The following BANK1 variants were observed in gnomAD, a reference collection of about 807,000 sequenced individuals.
BANK1 encodes B cell scaffold protein with ankyrin repeats 1.
A neutral mutation model predicts 94.5 loss-of-function variants in BANK1; 95 were observed. That is an observed-to-expected ratio of 1.00 (90% CI 0.85 to 1.19). The LOEUF (loss-of-function observed/expected upper bound fraction) is 1.19. BANK1 is among the 50% of genes most tolerant of loss of function. The probability of loss-of-function intolerance (pLI) is 0.00; values close to 1 mark genes in which losing one functional copy is unlikely to be tolerated. For missense variants in BANK1, 987 were observed against 932.2 expected, an observed-to-expected ratio of 1.06 and a Z score of -0.77; for synonymous variants, 334 against 308.4, an observed-to-expected ratio of 1.08 and a Z score of -0.87.
intron 7 of BANK1, among the ~76,000 whole-genome samples, chr4:101,941,443 T>A (rs1723738621): frequency 6.6e-6 from 1 of 151,766 alleles, no homozygotes; most frequent in East Asian, 1.9e-4. Context: ...GTGTTTTTCA[T>A]TCAGTTTTGA....
At chr4:101,965,619 C>A (rs1231343538) in intron 7 of BANK1, among the ~76,000 whole-genome samples, 3 of 152,048 alleles carry the variant, frequency 2.0e-5, no homozygotes, top group South Asian at 4.1e-4. Context: ...GCCTATAAAG[C>A]CACAGTCTTT....
intron 15 of BANK1, 151 bp from the exon 16 acceptor site, chr4:102,073,533 T>C (rs1578494715): frequency 1.6e-6 from 1 of 641,234 alleles, no homozygotes; most frequent in South Asian, 2.0e-5. Flanking sequence ...CTGTTTCCTT[T>C]TAAAATGGAA....
chr4:101,863,026 C>T (rs1249678698), intron 4 of BANK1, among the ~76,000 whole-genome samples: 2 of 151,876 alleles, frequency 1.3e-5, no homozygotes, highest in African/African-American at 2.4e-5. Flanking sequence ...TATTAATAAA[C>T]TCTATTTTTT....
At chr4:101,799,576 G>T (rs1578323566) in intron 1 of BANK1, among the ~76,000 whole-genome samples, 1 of 152,176 alleles carries the variant, frequency 6.6e-6, no homozygotes, top group African/African-American at 2.4e-5. Flanking sequence ...TGACAGACCG[G>T]ATTAAGAAAA....
chr4:101,934,058 G>A (rs1285960697), intron 7 of BANK1, among the ~76,000 whole-genome samples: 1 of 151,380 alleles, frequency 6.6e-6, no homozygotes, highest in Non-Finnish European at 1.5e-5. Context: ...GGTGCCACTA[G>A]CAAGCTTCAC....
rs192785385 is a variant in BANK1, at chr4:101,996,546, C to T, written c.1207-24968C>T. Among the ~76,000 whole-genome samples, 468 of 152,208 alleles carry T rather than the reference C, an allele frequency of 3.1e-3. 12 individuals are homozygous for T. The highest frequency in any genetic ancestry group is 0.027 in the Admixed American group (415 of 15,300). On this transcript the variant is annotated intron_variant, in intron 7 of 16. Transcript: ENST00000322953. ...TATGACCATTTTCATTATATTGATT[C>T]TTCCTTTCTATGAGCATGGAATGTT...
At chr4:101,967,973 C>A (rs928490303) in intron 7 of BANK1, among the ~76,000 whole-genome samples, 2 of 151,944 alleles carry the variant, frequency 1.3e-5, no homozygotes, top group Non-Finnish European at 2.9e-5. Flanking sequence ...AAAACTCTGA[C>A]CAAGTCTTGG....
At chr4:102,000,043 G>C (rs1726008213) in intron 7 of BANK1, among the ~76,000 whole-genome samples, 1 of 152,050 alleles carries the variant, frequency 6.6e-6, no homozygotes, top group South Asian at 2.1e-4. Flanking sequence ...GAGATACCCG[G>C]GTGCAGTGGC....
Position 102,060,507 on chromosome 4 carries a change from A to G in BANK1, c.2148+118A>G. ...GTTCTTTCATTTTTAACTAGCCACTAAGGAAGATACTTCAAGAAATCAAAT... is the reference window on the plus strand; with the variant it reads ...GTTCTTTCATTTTTAACTAGCCACTGAGGAAGATACTTCAAGAAATCAAAT... On this transcript the variant is annotated intron_variant, in intron 12 of 16. Coordinates refer to ENST00000322953, the MANE Select transcript of BANK1 (RefSeq NM_017935.5). The G allele has an allele frequency of 3.7e-6, 4 of 1,075,900 alleles. No homozygotes were observed. In the Admixed American group the frequency reaches 1.1e-4, roughly 31 times the overall value. The allele number at this position is 1,075,900 out of a possible 1,614,324, so 66.6% of individuals were successfully genotyped here.
At chr4:101,901,120 T>C (rs2148893262) in intron 6 of BANK1, among the ~76,000 whole-genome samples, 1 of 152,354 alleles carries the variant, frequency 6.6e-6, no homozygotes, top group African/African-American at 2.4e-5. Context: ...GCTAGAAATG[T>C]ACCCCCATGG....
intron 7 of BANK1, among the ~76,000 whole-genome samples, chr4:101,954,285 C>G (rs1724266257): frequency 6.6e-6 from 1 of 152,044 alleles, no homozygotes; most frequent in African/African-American, 2.4e-5. Context: ...TCAGAGGTAC[C>G]AGGAATTAGG....
At chr4:101,947,458 A>G (rs1723975001) in intron 7 of BANK1, among the ~76,000 whole-genome samples, 1 of 151,212 alleles carries the variant, frequency 6.6e-6, no homozygotes, top group Admixed American at 6.6e-5. Flanking sequence ...TTAACTGAAG[A>G]ATACATCATT....
chr4:102,063,239 A>G (rs1327206860), intron 13 of BANK1, 101 bp downstream of exon 13: 2 of 1,048,460 alleles, frequency 1.9e-6, no homozygotes, highest in Middle Eastern at 2.1e-4. Flanking sequence ...CTAAACCTCA[A>G]CAATTCCCAG....
In BANK1 at chr4:102,060,202, G is replaced by A; in HGVS notation, c.1970-9G>A. ...CTTTCTGTTAATGCACCCTCCCCTT[G>A]TATTTTAGACAGAGCTCGGATAGAG... On this transcript the variant is annotated splice_polypyrimidine_tract_variant and intron_variant, in intron 11 of 16. Transcript: ENST00000322953. 6.4e-7 allele frequency: 1 copy of A among 1,552,446 alleles called. No individual in the cohort carries two copies. Among genetic ancestry groups the A allele is most frequent in the Non-Finnish European group, 8.6e-7 (1 of 1,158,896 alleles).
intron 4 of BANK1, among the ~76,000 whole-genome samples, chr4:101,869,828 T>A (rs1728216319): frequency 6.6e-6 from 1 of 151,968 alleles, no homozygotes; most frequent in African/African-American, 2.4e-5. Flanking sequence ...TTGAAATGAT[T>A]GTTTATTGAT....
At chr4:101,981,807 C>G (rs905283886) in intron 7 of BANK1, 1 of 152,082 alleles carries the variant, frequency 6.6e-6, no homozygotes, top group Non-Finnish European at 1.5e-5. Context: ...TATCCATCTA[C>G]TGTCAAAGGA....
At chr4:101,907,313 A>G (rs1722488891) in intron 6 of BANK1, among the ~76,000 whole-genome samples, 1 of 152,262 alleles carries the variant, frequency 6.6e-6, no homozygotes, top group Admixed American at 6.5e-5. Flanking sequence ...CCACATGGTT[A>G]TCTCAATAGA....
At chr4:101,954,208 C>T (rs868212638) in intron 7 of BANK1, among the ~76,000 whole-genome samples, 1 of 152,240 alleles carries the variant, frequency 6.6e-6, no homozygotes, top group Middle Eastern at 3.4e-3. Context: ...AGCACATTCT[C>T]ATCTGGTATG....
chr4:102,025,440 C>A lies in BANK1; in HGVS notation c.1525C>A (p.Pro509Thr). ...ACAAGAGCCACTCATGAGCAGCAGA[C>A]CTCCTCTCCCCCCGCCGCGACCTGT... ...NSQEPLMSSR[P>T]PLPPPRPVAN... The change falls in exon 9 of 17, where the codon CCT becomes ACT. Residue 509 changes from proline (P) to threonine (T), a missense_variant. Pro to Thr is a conservative substitution (Grantham distance 38). Coordinates refer to ENST00000322953, the MANE Select transcript of BANK1 (RefSeq NM_017935.5). The A allele has an allele frequency of 6.2e-7, 1 of 1,614,020 alleles. No individual in the cohort carries two copies. Among genetic ancestry groups the A allele is most frequent in the Non-Finnish European group, 8.5e-7 (1 of 1,179,976 alleles).
Sources: allele counts gnomAD v4.1 joint callset (sites outside exome capture counted in the v4.1 genomes callset), GRCh38; gene constraint gnomAD v4.1.1; transcripts MANE v1.5; gene names NCBI Gene and HGNC (gene_info 2026-07-23, HGNC 2026-07-21).